Variants in IRAK4 observed in about 807,000 individuals in gnomAD.
IRAK4 encodes interleukin 1 receptor associated kinase 4, also known as interleukin-1 receptor-associated kinase 4.
In IRAK4, 44 loss-of-function variants were observed where a neutral mutation model predicts 51.8. The ratio of observed to expected loss-of-function variants is 0.85; its 90% CI spans 0.67 to 1.09. The LOEUF is 1.09. Ranked by LOEUF, IRAK4 falls within the 50% of genes least tolerant of loss-of-function variation. The probability of loss-of-function intolerance (pLI) is 0.00; values close to 1 mark genes in which losing one functional copy is unlikely to be tolerated. For missense variants in IRAK4, 487 were observed against 538.0 expected, an observed-to-expected ratio of 0.91 and a Z score of 0.94; for synonymous variants, 149 against 174.1, an observed-to-expected ratio of 0.86 and a Z score of 1.13.
In IRAK4 at chr12:43,789,453, T is replaced by C. The variant is rs1942420064; in HGVS notation, c.*2738T>C. ...TTTATAAATTACCCAGCCTCAGTTA[T>C]TCCTTTATAGTGATGCAAAACGGGC... is the stretch of plus-strand genomic sequence containing the variant. On this transcript the variant is annotated 3_prime_UTR_variant, in exon 12 of 12. Coordinates refer to ENST00000613694, the MANE Select transcript of IRAK4 (RefSeq NM_016123.4). 6.6e-6 allele frequency: 1 copy of C among 152,238 alleles called. No individual in the cohort carries two copies. Among genetic ancestry groups the C allele is most frequent in the Non-Finnish European group, 1.5e-5 (1 of 68,042 alleles). The allele number at this position is 152,238 out of a possible 1,614,324, so 9.4% of individuals were successfully genotyped here.
Position 43,772,935 on chromosome 12 carries a change from G to T in IRAK4, c.514G>T (p.Glu172Ter). Residue 172 changes from glutamate (E) to a stop codon, truncating the protein, a stop_gained, in exon 5 of 12, where the codon GAA (glutamate) becomes TAA (stop). Transcript: ENST00000613694. LOFTEE classifies it high-confidence loss of function. ...DTRFHSFSFY[E>*]LKNVTNNFDE... ...AGGTTTTCACAGTTTTTCATTTTAT[G>T]AATTGAAGAATGTCACAAATAACTT... is the stretch of plus-strand genomic sequence containing the variant. The T allele has an allele frequency of 6.2e-7, 1 of 1,609,118 alleles. No individual in the cohort carries two copies. The highest frequency in any genetic ancestry group is 1.1e-5 in the South Asian group (1 of 89,708).
intron 10 of IRAK4, 115 bp downstream of exon 10, chr12:43,783,839 G>A (rs898728514): frequency 4.2e-6 from 3 of 719,330 alleles, no homozygotes; most frequent in Non-Finnish European, 7.4e-6. Context: ...CTTTCCATTG[G>A]CTATTACACG....
At chr12:43,785,447 C>T (rs4251536) in intron 10 of IRAK4, among the ~76,000 whole-genome samples, 2,998 of 151,856 alleles carry the variant, frequency 0.02, 97 homozygotes, top group African/African-American at 0.068. Context: ...GTTGGAATTG[C>T]GCTATTAGAA....
intron 1 of IRAK4, among the ~76,000 whole-genome samples, chr12:43,765,433 G>A (rs182474311): frequency 3.3e-5 from 5 of 152,224 alleles, no homozygotes; most frequent in African/African-American, 1.2e-4. Flanking sequence ...CATAAATAAA[G>A]CATCAGTGAT....
At chr12:43,767,490 A>G (rs1940280689) in intron 1 of IRAK4, among the ~76,000 whole-genome samples, 1 of 152,214 alleles carries the variant, frequency 6.6e-6, no homozygotes, top group Non-Finnish European at 1.5e-5. Context: ...GTGGTGAAGC[A>G]CAGGTTTTGG....
intron 5 of IRAK4, 44 bp from the exon 6 acceptor site, chr12:43,773,921 C>G: frequency 7.8e-7 from 1 of 1,275,278 alleles, no homozygotes; most frequent in Non-Finnish European, 1.1e-6. Flanking sequence ...GCATTAGGAA[C>G]CTTAGAATTG....
At chr12:43,767,706 A>ATATAT (rs4251457) in intron 1 of IRAK4, among the ~76,000 whole-genome samples, 34,901 of 151,752 alleles carry the variant, frequency 0.23, 6,362 homozygotes, top group African/African-American at 0.51. Flanking sequence ...ATTGAGAAAC[A>ATATAT]TAAATTGAAA....
chr12:43,768,407 A>G, intron 2 of IRAK4, 135 bp downstream of exon 2: 1 of 647,654 alleles, frequency 1.5e-6, no homozygotes, highest in Non-Finnish European at 2.6e-6. Flanking sequence ...GTAGTAGGTA[A>G]CCTCTTTTTG....
At position 43,785,354 on chromosome 12, in the gene IRAK4, CTCCT is replaced by C. The variant is rs1325380643; in HGVS notation, c.1189-1043_1189-1040del. 3.3e-5 allele frequency among the ~76,000 whole-genome samples: 5 copies of C among 151,888 alleles called. No homozygotes were observed. In the East Asian group the frequency reaches 9.7e-4, roughly 29 times the overall value. ...CATGGCCTGCTCCCTATTTTTTCCC[CTCCT>C]TTTTTCTCTTTGATTCAACAACCTT... On this transcript the variant is annotated intron_variant, in intron 10 of 11. Coordinates refer to ENST00000613694, the MANE Select transcript of IRAK4 (RefSeq NM_016123.4).
rs1239693276 is a variant in IRAK4, at chr12:43,771,248, A to G, written c.190A>G (p.Lys64Glu). 13 of 1,613,912 alleles carry G rather than the reference A, an allele frequency of 8.1e-6. No individual in the cohort carries two copies. Among genetic ancestry groups the G allele is most frequent in the Non-Finnish European group, 1.1e-5 (13 of 1,179,936 alleles). Residue 64 changes from lysine to glutamate, a missense_variant, in exon 3 of 12, where the codon AAA (lysine) becomes GAA (glutamate). By Grantham distance (56) the Lys-to-Glu change is moderately conservative (BLOSUM62 1). Transcript: ENST00000613694. ...RRFEALLQTG[K>E]SPTSELLFDW... is the part of the protein sequence containing the mutation. ...ATTTGAAGCATTACTTCAAACTGGA[A>G]AAAGTCCCACTTCTGAATTACTGTT...
Position 43,774,003 on chromosome 12 carries a change from TG to T in IRAK4, c.691del (p.Asp231IlefsTer4), listed in dbSNP as rs1941034324. 1 of 1,610,906 alleles carries T rather than the reference TG, an allele frequency of 6.2e-7. No homozygotes were observed. The part of the protein sequence containing the change: ...ITTEELKQQF[D>X]QEIKVMAKCQ... Reference sequence around the variant, plus strand: ...CTACTGAAGAACTGAAACAGCAGTTTGATCAAGAAATAAAAGTAATGGCAAA... The same window carrying T: ...CTACTGAAGAACTGAAACAGCAGTTTATCAAGAAATAAAAGTAATGGCAAA... On this transcript the variant is annotated frameshift_variant, in exon 6 of 12. Coordinates refer to ENST00000613694, the MANE Select transcript of IRAK4 (RefSeq NM_016123.4). LOFTEE classifies it high-confidence loss of function.
chr12:43,770,937 A>G, intron 2 of IRAK4: 1 of 585,036 alleles, frequency 1.7e-6, no homozygotes, highest in Non-Finnish European at 3.2e-6. Flanking sequence ...TGATAAAAGG[A>G]TAAGTTAGGC....
intron 6 of IRAK4, among the ~76,000 whole-genome samples, chr12:43,775,653 A>G (rs998798308): frequency 1.1e-4 from 17 of 152,204 alleles, no homozygotes; most frequent in Middle Eastern, 3.2e-3. Context: ...TATTAAAAAT[A>G]AAGCTTCTTT....
chr12:43,782,154 TA>T (rs1941827884), intron 8 of IRAK4, among the ~76,000 whole-genome samples, 152 bp from the exon 9 acceptor site: 2 of 152,160 alleles, frequency 1.3e-5, no homozygotes, highest in South Asian at 4.2e-4. Context: ...TGATGCATAC[TA>T]TAAAACGTTA....
intron 10 of IRAK4, among the ~76,000 whole-genome samples, chr12:43,784,506 A>G (rs746474695): frequency 1.8e-4 from 27 of 152,218 alleles, no homozygotes; most frequent in Non-Finnish European, 3.2e-4. Context: ...TGGAGTTCCT[A>G]TGACCTCCTC....
At chr12:43,760,912 G>A (rs1173204626) in intron 1 of IRAK4, 1 of 151,620 alleles carries the variant, frequency 6.6e-6, no homozygotes, top group Non-Finnish European at 1.5e-5. Flanking sequence ...TTTTCCTAAT[G>A]CTTCATCTCC....
intron 4 of IRAK4, among the ~76,000 whole-genome samples, 183 bp downstream of exon 4, chr12:43,772,545 G>C (rs1228379352): frequency 5.3e-5 from 8 of 152,112 alleles, no homozygotes; most frequent in African/African-American, 1.9e-4. Flanking sequence ...AGTGATTAGA[G>C]GCAATAGGAC....
At chr12:43,765,750 C>G (rs1365691826) in intron 1 of IRAK4, among the ~76,000 whole-genome samples, 2 of 151,590 alleles carry the variant, frequency 1.3e-5, no homozygotes, top group African/African-American at 2.4e-5. Context: ...GCTGAAACCT[C>G]TCTCCTAAGC....
intron 2 of IRAK4, among the ~76,000 whole-genome samples, chr12:43,770,143 A>G (rs1158999941): frequency 6.6e-6 from 1 of 152,220 alleles, no homozygotes; most frequent in African/African-American, 2.4e-5. Flanking sequence ...TATTGGTTAA[A>G]TTTTTAAATG....
Sources: allele counts gnomAD v4.1 joint callset (sites outside exome capture counted in the v4.1 genomes callset), GRCh38; gene constraint gnomAD v4.1.1; transcripts MANE v1.5; gene names NCBI Gene and HGNC (gene_info 2026-07-23, HGNC 2026-07-21).